DDX17: variants seen among roughly 807,000 people sequenced by gnomAD.
The protein encoded by DDX17 is DEAD-box helicase 17, also known as probable ATP-dependent RNA helicase DDX17.
In DDX17, 10 loss-of-function variants were observed where a neutral mutation model predicts 80.8. The observed-to-expected ratio is 0.12, with a 90% CI of 0.08 to 0.21. DDX17 has a LOEUF of 0.21. DDX17 is among the 10% of genes least tolerant of loss of function. DDX17 has a pLI of 1.00. For missense variants in DDX17, 586 were observed against 957.4 expected (o/e 0.61, Z 5.12); for synonymous variants, 339 against 336.2 (o/e 1.01, Z -0.09).
At chr22:38,487,779 A>G in intron 12 of DDX17, 100 bp downstream of exon 12, 2 of 1,234,650 alleles carry the variant, frequency 1.6e-6, no homozygotes, top group Admixed American at 1.7e-5. Flanking sequence ...ATTAAGCAAC[A>G]TACTTACAGC....
rs149118579 is a variant in DDX17, at chr22:38,484,251, G to T, written c.*1684C>A. On this transcript the variant is annotated 3_prime_UTR_variant, in exon 13 of 13. Transcript: ENST00000403230. Reference sequence around the variant, plus strand: ...GCCTCAACTTCTGTAAGATGGGGGGGGGACAAAAAGAGAAGTAAAGTTAAG... The same window carrying T: ...GCCTCAACTTCTGTAAGATGGGGGGTGGACAAAAAGAGAAGTAAAGTTAAG... 1 of 147,796 alleles carries T rather than the reference G, an allele frequency of 6.8e-6. No individual in the cohort carries two copies. Among genetic ancestry groups the T allele is most frequent in the Non-Finnish European group, 1.5e-5 (1 of 66,942 alleles). The allele number at this position is 147,796 out of a possible 1,614,324, so 9.2% of individuals were successfully genotyped here. A position where few individuals can be genotyped will look rare whatever the true frequency, so the allele number is the denominator to read the frequency against.
intron 3 of DDX17, among the ~76,000 whole-genome samples, chr22:38,498,793 G>A: frequency 6.6e-6 from 1 of 152,212 alleles, no homozygotes; most frequent in East Asian, 1.9e-4. Context: ...GGGAGGCTGA[G>A]GCCAGTGGAG....
chr22:38,494,399 A>T, intron 8 of DDX17: 1 of 617,238 alleles, frequency 1.6e-6, no homozygotes, highest in South Asian at 2.1e-5. Context: ...AATTGTGCAA[A>T]ATTATACAGC....
chr22:38,487,083 A>C (rs550651605), intron 12 of DDX17, among the ~76,000 whole-genome samples: 25 of 152,244 alleles, frequency 1.6e-4, no homozygotes, highest in African/African-American at 5.1e-4. Context: ...CAGGAGAATC[A>C]CTTGAACCCA....
In DDX17 at chr22:38,506,255, C is replaced by G. The variant is rs1455398364; in HGVS notation, c.-18G>C. The G allele has an allele frequency of 1.3e-6, 2 of 1,585,548 alleles. No homozygotes were observed. Among genetic ancestry groups the G allele is most frequent in the African/African-American group, 1.4e-5 (1 of 73,442 alleles). ...GTGGGCAGGTTTGGCTACGCTCAAA[C>G]CGGGCAGTGCCGCGGTTTAGGCGTC... On this transcript the variant is annotated 5_prime_UTR_variant, in exon 1 of 13. Transcript: ENST00000403230.
intron 1 of DDX17, among the ~76,000 whole-genome samples, chr22:38,504,800 CAAAGT>C (rs1194943008): frequency 2.0e-5 from 3 of 151,598 alleles, no homozygotes; most frequent in Non-Finnish European, 2.9e-5. Flanking sequence ...GACAACACAG[CAAAGT>C]AAAGGCAATT....
chr22:38,496,043 A>C, intron 5 of DDX17, 106 bp from the exon 6 acceptor site: 1 of 1,039,486 alleles, frequency 9.6e-7, no homozygotes, highest in East Asian at 2.8e-5. Context: ...TTTGCTGTCT[A>C]ATCTAGCACA....
Position 38,485,873 on chromosome 22 carries a change from GGAAA to G in DDX17, c.*58_*61del. 1 of 1,503,148 alleles carries G rather than the reference GGAAA, an allele frequency of 6.7e-7. No homozygotes were observed. Among genetic ancestry groups the G allele is most frequent in the Non-Finnish European group, 8.9e-7 (1 of 1,127,866 alleles). 93.1% of individuals were successfully genotyped at this position (1,503,148 alleles called of 1,614,324 possible). ...AGAAAAGGCGAAGAGGAAAAAAAAA[GGAAA>G]GACAGTGTTCCTTAAAATGTAATTA... is the stretch of plus-strand genomic sequence containing the variant. On this transcript the variant is annotated 3_prime_UTR_variant, in exon 13 of 13. Transcript: ENST00000403230.
chr22:38,492,487 TTTTC>T (rs1200165262), intron 10 of DDX17, among the ~76,000 whole-genome samples: 5 of 152,194 alleles, frequency 3.3e-5, no homozygotes, highest in Non-Finnish European at 7.3e-5. Flanking sequence ...TATTATTTAT[TTTTC>T]TTTCTTTTTT....
intron 2 of DDX17, among the ~76,000 whole-genome samples, chr22:38,500,560 G>A (rs1458812547): frequency 6.6e-6 from 1 of 152,050 alleles, no homozygotes; most frequent in East Asian, 1.9e-4. Flanking sequence ...TGTAATCCCA[G>A]CACTTTGAGA....
chr22:38,493,190 G>A (rs946892679), intron 10 of DDX17, among the ~76,000 whole-genome samples: 1 of 152,092 alleles, frequency 6.6e-6, no homozygotes, highest in African/African-American at 2.4e-5. Context: ...ACATAGCCAC[G>A]TTTATCTCTT....
At chr22:38,490,487 G>A in intron 11 of DDX17, 1 of 1,267,044 alleles carries the variant, frequency 7.9e-7, no homozygotes, top group Non-Finnish European at 1.0e-6. Flanking sequence ...TTAACAGTGT[G>A]TAGTTCAAAC....
In DDX17 at chr22:38,499,515, GAAA is replaced by G. The variant is rs202128026; in HGVS notation, c.439-19_439-17del. On this transcript the variant is annotated splice_polypyrimidine_tract_variant and intron_variant, in intron 2 of 12. Transcript: ENST00000403230. ...CAACCTCATACTATTGAAAAAAAAT[GAAA>G]GAAGTTAGTAAACTAGTTATTCTAA... 2 of 1,564,454 alleles carry G rather than the reference GAAA, an allele frequency of 1.3e-6. No individual in the cohort carries two copies. Among genetic ancestry groups the G allele is most frequent in the Non-Finnish European group, 1.8e-6 (2 of 1,140,922 alleles).
chr22:38,489,747 G>C lies in DDX17; in HGVS notation c.1448-1632C>G. The C allele has an allele frequency of 5.1e-6, 5 of 985,382 alleles. No homozygotes were observed. The highest frequency in any genetic ancestry group is 6.0e-6 in the Non-Finnish European group (5 of 829,996). The allele number at this position is 985,382 out of a possible 1,614,324, so 61.0% of individuals were successfully genotyped here. ...AAGTCCTGAATCACACCAGAAAGACGAGAAGGCACTTATCACAGGGGGCAG... is the reference window on the plus strand; with the variant it reads ...AAGTCCTGAATCACACCAGAAAGACCAGAAGGCACTTATCACAGGGGGCAG... On this transcript the variant is annotated intron_variant, in intron 11 of 12. Coordinates refer to ENST00000403230, the MANE Select transcript of DDX17 (RefSeq NM_006386.5). This position sits in a 1 kb window ranked among gnomAD's most constrained non-coding sequence, Gnocchi z 4.6.
chr22:38,487,600 C>A (rs2089672957), intron 12 of DDX17, among the ~76,000 whole-genome samples: 1 of 152,136 alleles, frequency 6.6e-6, no homozygotes, highest in Admixed American at 6.5e-5. Context: ...GCCTGGGCGA[C>A]AGAGCAAGAC....
At chr22:38,488,337 T>C in intron 11 of DDX17, 1 of 1,420,204 alleles carries the variant, frequency 7.0e-7, no homozygotes, top group Non-Finnish European at 9.2e-7. Context: ...GGATCTTTAT[T>C]GGCTGTAGAA....
intron 10 of DDX17, among the ~76,000 whole-genome samples, chr22:38,492,563 C>T (rs1463396828): frequency 6.6e-6 from 1 of 152,092 alleles, no homozygotes; most frequent in Admixed American, 6.5e-5. Flanking sequence ...CTCAGCTCAC[C>T]GCAACCTCCA....
rs1756609869 is a variant in DDX17 at position 38,487,728 on chromosome 22, T to C, written c.1684+151A>G. On this transcript the variant is annotated intron_variant, in intron 12 of 12. Transcript: ENST00000403230. Reference sequence around the variant, plus strand: ...CACAACAAACTTCACGTTTTCTTAGTTGAAAAAGGTTATAAAAAGCATTAG... The same window carrying C: ...CACAACAAACTTCACGTTTTCTTAGCTGAAAAAGGTTATAAAAAGCATTAG... The C allele has an allele frequency of 4.0e-6, 3 of 749,858 alleles. No homozygotes were observed. The East Asian group carries it at 7.8e-5, about 19-fold the overall frequency. 46.5% of individuals were successfully genotyped at this position (749,858 alleles called of 1,614,324 possible). A position where few individuals can be genotyped will look rare whatever the true frequency, so the allele number is the denominator to read the frequency against.
intron 11 of DDX17, chr22:38,491,804 CAGACCAA>C (rs767874969): frequency 1.2e-4 from 47 of 379,636 alleles, no homozygotes; most frequent in Non-Finnish European, 1.9e-4. Flanking sequence ...GGCCTTGCTG[CAGACCAA>C]AGCCTGTTTG....
Sources: gnomAD v4.1 joint callset for allele counts (sites outside exome capture counted in the v4.1 genomes callset) on GRCh38, gnomAD v4.1.1 for gene constraint, Gnocchi (gnomAD v3.1) non-coding constraint, MANE v1.5 for transcripts, NCBI Gene and HGNC (gene_info 2026-07-23, HGNC 2026-07-21) for gene names.